The following ASTN2 variants were observed in gnomAD, a reference collection of about 807,000 sequenced individuals.
ASTN2 encodes astrotactin-2.
Under a neutral mutation model 139.8 loss-of-function variants are expected in ASTN2, and 54 were observed. The ratio of observed to expected loss-of-function variants is 0.39; its 90% CI spans 0.31 to 0.48. The LOEUF (loss-of-function observed/expected upper bound fraction) is 0.48. Ranked by LOEUF, ASTN2 falls within the 20% of genes least tolerant of loss-of-function variation. The pLI, the probability that ASTN2 is intolerant of heterozygous loss-of-function variation, is 0.95. For synonymous variants in ASTN2, 756 were observed against 719.5 expected, an observed-to-expected ratio of 1.05 and a Z score of -0.81; for missense variants, 1,565 against 1,725.1, an observed-to-expected ratio of 0.91 and a Z score of 1.64.
At chr9:116,573,986 T>C (rs1853625974) in intron 19 of ASTN2, among the ~76,000 whole-genome samples, 1 of 152,188 alleles carries the variant, frequency 6.6e-6, no homozygotes, top group East Asian at 1.9e-4. Flanking sequence ...GAAGTGGCAT[T>C]GTACATCCAA....
At chr9:116,625,483 T>C (rs1035659046) in intron 17 of ASTN2, among the ~76,000 whole-genome samples, 2 of 152,180 alleles carry the variant, frequency 1.3e-5, no homozygotes, top group African/African-American at 4.8e-5. Context: ...GTCTCCCTGG[T>C]GCCGCCCATT....
intron 6 of ASTN2, among the ~76,000 whole-genome samples, chr9:117,021,339 T>C (rs1588487953): frequency 6.6e-6 from 1 of 152,304 alleles, no homozygotes; most frequent in African/African-American, 2.4e-5. Context: ...ATGCTTTTGC[T>C]ATCAAACCTA....
At chr9:116,863,824 T>C in intron 10 of ASTN2, 91 bp from the exon 11 acceptor site, 1 of 1,300,364 alleles carries the variant, frequency 7.7e-7, no homozygotes, top group Non-Finnish European at 1.0e-6. Flanking sequence ...TTTGAAACCA[T>C]AACTTACTTA....
chr9:116,690,966 C>T (rs1484288719), intron 16 of ASTN2, among the ~76,000 whole-genome samples: 2 of 152,172 alleles, frequency 1.3e-5, no homozygotes, highest in African/African-American at 2.4e-5. Flanking sequence ...GTCACCCAGG[C>T]TGGAGTGCAG....
At chr9:116,582,446 A>G (rs1853987440) in intron 19 of ASTN2, 1 of 152,240 alleles carries the variant, frequency 6.6e-6, no homozygotes, top group Admixed American at 6.5e-5. Context: ...CATAGTTAAG[A>G]GTCAAACTAA....
chr9:116,725,393 C>T (rs892981358), intron 16 of ASTN2, among the ~76,000 whole-genome samples: 1 of 151,666 alleles, frequency 6.6e-6, no homozygotes, highest in Non-Finnish European at 1.5e-5. Context: ...TTGGGTTCTC[C>T]CAAGAAGCCT....
In ASTN2 at chr9:116,701,249, T is replaced by TAATA. The variant is rs374251322; in HGVS notation, c.2806+24518_2806+24521dup. On this transcript the variant is annotated intron_variant, in intron 16 of 22. Coordinates refer to ENST00000313400, the MANE Select transcript of ASTN2 (RefSeq NM_001365068.1). ...AGTAGTGTTTCTTTGGATTGTATCA[T>TAATA]AATAGCTGCCAAAGGATAGGTAAAG... The TAATA allele has an allele frequency of 5.3e-3, 884 of 167,226 alleles. 10 individuals are homozygous for TAATA. The highest frequency in any genetic ancestry group is 0.02 in the African/African-American group (833 of 41,580). The allele number at this position is 167,226 out of a possible 1,614,324, so 10.4% of individuals were successfully genotyped here. A position where few individuals can be genotyped will look rare whatever the true frequency, so the allele number is the denominator to read the frequency against.
chr9:117,178,230 G>A (rs77401815), intron 3 of ASTN2, among the ~76,000 whole-genome samples: 9,228 of 152,082 alleles, frequency 0.061, 401 homozygotes, highest in South Asian at 0.17. Context: ...TGTAACAAAT[G>A]TCCATGCTCT....
intron 10 of ASTN2, among the ~76,000 whole-genome samples, chr9:116,884,322 G>C (rs1040070859): frequency 6.6e-6 from 1 of 152,124 alleles, no homozygotes; most frequent in African/African-American, 2.4e-5. Flanking sequence ...GAGAGGACTT[G>C]GATAGTCACT....
chr9:116,791,801 A>G (rs1045936165), intron 13 of ASTN2, among the ~76,000 whole-genome samples: 2 of 152,196 alleles, frequency 1.3e-5, no homozygotes, highest in African/African-American at 4.8e-5. Flanking sequence ...TCAGTGATTC[A>G]GATAGGCTTT....
At chr9:116,474,250 C>A (rs984694152) in intron 20 of ASTN2, among the ~76,000 whole-genome samples, 1 of 152,130 alleles carries the variant, frequency 6.6e-6, no homozygotes, top group Non-Finnish European at 1.5e-5. Flanking sequence ...GGTGAAGAGT[C>A]CTGGTTCAGC....
chr9:116,517,705 A>C (rs547044049), intron 19 of ASTN2, among the ~76,000 whole-genome samples: 1 of 152,366 alleles, frequency 6.6e-6, no homozygotes, highest in East Asian at 1.9e-4. Context: ...TATTATGCTA[A>C]TCAAGGAGGC....
At chr9:116,913,947 C>T (rs1834378757) in intron 10 of ASTN2, among the ~76,000 whole-genome samples, 1 of 150,490 alleles carries the variant, frequency 6.6e-6, no homozygotes, top group Non-Finnish European at 1.5e-5. Context: ...ATGTTTCTAG[C>T]TCCAGAGCCT....
chr9:116,732,620 A>C (rs1423878258), intron 14 of ASTN2, among the ~76,000 whole-genome samples: 2 of 152,218 alleles, frequency 1.3e-5, no homozygotes, highest in African/African-American at 4.8e-5. Context: ...CATCTTAGGA[A>C]ATTTCTTAAG....
intron 19 of ASTN2, among the ~76,000 whole-genome samples, chr9:116,604,326 C>G (rs1437787348): frequency 6.6e-6 from 1 of 152,156 alleles, no homozygotes; most frequent in African/African-American, 2.4e-5. Context: ...AAGTCTTTGA[C>G]TTTAGAAACC....
intron 18 of ASTN2, among the ~76,000 whole-genome samples, chr9:116,619,682 C>T (rs912797903): frequency 1.4e-4 from 19 of 140,216 alleles, no homozygotes; most frequent in Non-Finnish European, 2.5e-4. Context: ...TGCCACCACA[C>T]GGGCTATTTT....
rs745944587 is a variant in ASTN2 at position 116,500,474 on chromosome 9, G to A, written c.3356-12974C>T. Among the ~76,000 whole-genome samples, 5 of 152,288 alleles carry A rather than the reference G, an allele frequency of 3.3e-5. No individual in the cohort carries two copies. The South Asian group carries it at 8.3e-4, about 25-fold the overall frequency. On this transcript the variant is annotated intron_variant, in intron 19 of 22. Coordinates refer to ENST00000313400, the MANE Select transcript of ASTN2 (RefSeq NM_001365068.1). The stretch of plus-strand genomic sequence containing the variant: ...TCATCCAGGCTGTGAGCTGAGCCAT[G>A]ACTAATACAGGCTTACAGCCACCCC...
At chr9:116,502,091 T>C (rs776172493) in intron 19 of ASTN2, among the ~76,000 whole-genome samples, 15 of 151,652 alleles carry the variant, frequency 9.9e-5, no homozygotes, top group African/African-American at 1.5e-4. Flanking sequence ...AGGTGAATCA[T>C]TGAGAAGGAG....
chr9:116,977,652 G>C (rs1183047798), intron 7 of ASTN2, among the ~76,000 whole-genome samples: 1 of 151,270 alleles, frequency 6.6e-6, no homozygotes. Flanking sequence ...GAATCTCTCT[G>C]TCCTACTCCC....
Sources: gnomAD v4.1 joint callset for allele counts (sites outside exome capture counted in the v4.1 genomes callset) on GRCh38, gnomAD v4.1.1 for gene constraint, MANE v1.5 for transcripts, NCBI Gene and HGNC (gene_info 2026-07-23, HGNC 2026-07-21) for gene names.